MTREX: variants seen among roughly 807,000 people sequenced by gnomAD.
MTREX encodes Mtr4 exosome RNA helicase, also known as exosome RNA helicase MTR4.
In MTREX, 76 loss-of-function variants were observed where a neutral mutation model predicts 135.4. The observed-to-expected ratio is 0.56, with a 90% CI of 0.47 to 0.68. MTREX has a LOEUF of 0.68. Ranked by LOEUF, MTREX falls within the 30% of genes least tolerant of loss-of-function variation. The pLI is 0.00. For synonymous variants in MTREX, 404 were observed against 401.6 expected (o/e 1.01, Z -0.07); for missense variants, 920 against 1,262.1 (o/e 0.73, Z 4.11).
intron 5 of MTREX, among the ~76,000 whole-genome samples, chr5:55,329,670 T>G (rs933981983): frequency 2.6e-5 from 4 of 152,178 alleles, no homozygotes; most frequent in Admixed American, 6.5e-5. Context: ...GTATTTTCCT[T>G]TGGTATGGAA....
At chr5:55,327,846 C>G in intron 4 of MTREX, 68 bp downstream of exon 4, 1 of 1,178,566 alleles carries the variant, frequency 8.5e-7, no homozygotes, top group Non-Finnish European at 1.2e-6. Context: ...ATTCTTATTT[C>G]AAATGAGATT....
chr5:55,386,242 T>C (rs1285529385), intron 18 of MTREX, among the ~76,000 whole-genome samples: 1 of 152,210 alleles, frequency 6.6e-6, no homozygotes, highest in Non-Finnish European at 1.5e-5. Flanking sequence ...AATTATGTTT[T>C]AATTAGGTAA....
chr5:55,395,086 A>G (rs950388679), intron 19 of MTREX, among the ~76,000 whole-genome samples: 2 of 151,294 alleles, frequency 1.3e-5, no homozygotes, highest in African/African-American at 4.9e-5. Context: ...AAAATAATCC[A>G]TGCATCCAGA....
chr5:55,349,861 G>C (rs1382413112), intron 12 of MTREX, among the ~76,000 whole-genome samples: 6 of 152,190 alleles, frequency 3.9e-5, no homozygotes, highest in Non-Finnish European at 8.8e-5. Flanking sequence ...ACTTTTCTCT[G>C]AGAGCTAGTA....
chr5:55,374,285 T>TATATATAA (rs1440361807), intron 16 of MTREX, among the ~76,000 whole-genome samples: 1 of 144,622 alleles, frequency 6.9e-6, no homozygotes, highest in East Asian at 2.1e-4. Flanking sequence ...TATATATATA[T>TATATATAA]AAACAATTTT....
intron 5 of MTREX, among the ~76,000 whole-genome samples, chr5:55,332,162 A>G (rs921541242): frequency 4.6e-5 from 7 of 152,172 alleles, no homozygotes; most frequent in Non-Finnish European, 8.8e-5. Flanking sequence ...TTGAGAATCT[A>G]CATTTTAACA....
chr5:55,320,537 C>T (rs1415993164), intron 1 of MTREX, among the ~76,000 whole-genome samples: 1 of 152,098 alleles, frequency 6.6e-6, no homozygotes, highest in Non-Finnish European at 1.5e-5. Context: ...TTAAATAAAA[C>T]ATAAAGAAAA....
At chr5:55,329,435 AAT>A (rs1409971243) in intron 5 of MTREX, 1 of 151,850 alleles carries the variant, frequency 6.6e-6, no homozygotes, top group Non-Finnish European at 1.5e-5. Context: ...TGGACTCCCA[AAT>A]TTCTGGGATT....
chr5:55,347,638 A>C lies in MTREX; in HGVS notation c.1240+494A>C, dbSNP rs538342291. Among the ~76,000 whole-genome samples the C allele has an allele frequency of 3.3e-5, 5 of 152,370 alleles. No homozygotes were observed. In the South Asian group the frequency reaches 1.0e-3, roughly 32 times the overall value. ...ATTATTCCTATACATTAATTGCAAAAGTAATTCACTTGAAGTCACACAGTT... is the reference window on the plus strand; with the variant it reads ...ATTATTCCTATACATTAATTGCAAACGTAATTCACTTGAAGTCACACAGTT... On this transcript the variant is annotated intron_variant, in intron 11 of 26. Coordinates refer to ENST00000230640, the MANE Select transcript of MTREX (RefSeq NM_015360.5).
At chr5:55,424,125 A>AT (rs1374412050) in intron 26 of MTREX, 1 of 151,462 alleles carries the variant, frequency 6.6e-6, no homozygotes, top group Non-Finnish European at 1.5e-5. Context: ...AATTTTTTTT[A>AT]TTTTTATTTT....
At chr5:55,387,597 A>G (rs1029738101) in intron 18 of MTREX, among the ~76,000 whole-genome samples, 1 of 152,104 alleles carries the variant, frequency 6.6e-6, no homozygotes, top group Non-Finnish European at 1.5e-5. Flanking sequence ...CACATTATAG[A>G]AATGCTAGCA....
At chr5:55,312,583 A>T (rs181885027) in intron 1 of MTREX, among the ~76,000 whole-genome samples, 1 of 152,290 alleles carries the variant, frequency 6.6e-6, no homozygotes, top group East Asian at 1.9e-4. Flanking sequence ...TACATTATGT[A>T]TTCCTTTTAC....
chr5:55,369,269 G>A (rs1038357734), intron 16 of MTREX, among the ~76,000 whole-genome samples: 1 of 152,092 alleles, frequency 6.6e-6, no homozygotes, highest in African/African-American at 2.4e-5. Context: ...CATTGAAACA[G>A]GTGTAAGATT....
At chr5:55,348,226 A>T (rs748362630) in intron 11 of MTREX, among the ~76,000 whole-genome samples, 1 of 152,210 alleles carries the variant, frequency 6.6e-6, no homozygotes, top group South Asian at 2.1e-4. Context: ...GCAGGAGAGC[A>T]TGCAAGAGAG....
chr5:55,343,684 A>G (rs1326854209), intron 8 of MTREX, among the ~76,000 whole-genome samples: 1 of 152,132 alleles, frequency 6.6e-6, no homozygotes, highest in Non-Finnish European at 1.5e-5. Flanking sequence ...ATCTCAGGTA[A>G]TAGTGCCTTG....
At chr5:55,351,083 T>C in intron 13 of MTREX, 54 bp downstream of exon 13, 1 of 1,496,926 alleles carries the variant, frequency 6.7e-7, no homozygotes, top group Non-Finnish European at 8.8e-7. Flanking sequence ...ATGAAGAGTT[T>C]GAAAATGAGA....
intron 9 of MTREX, 65 bp from the exon 10 acceptor site, chr5:55,345,029 A>T: frequency 1.1e-6 from 1 of 942,588 alleles, no homozygotes; most frequent in Non-Finnish European, 1.7e-6. Flanking sequence ...AGCCTTATGT[A>T]TGAAAAATGT....
Position 55,361,912 on chromosome 5 carries a change from G to GTTTGTTTGTTTGTTTTTGTT in MTREX, c.1659+3221_1659+3222insGTTTGTTTTTGTTTTTGTTT, listed in dbSNP as rs57156858. Among the ~76,000 whole-genome samples the GTTTGTTTGTTTGTTTTTGTT allele has an allele frequency of 2.7e-3, 402 of 150,506 alleles. 1 individual carries two copies. Among genetic ancestry groups the GTTTGTTTGTTTGTTTTTGTT allele is most frequent in the African/African-American group, 9.3e-3 (380 of 40,852 alleles). On this transcript the variant is annotated intron_variant, in intron 15 of 26. Coordinates refer to ENST00000230640, the MANE Select transcript of MTREX (RefSeq NM_015360.5). ...CCAGCCTTGTTGTTGTTGTTTGTTTGTTTGTTTTTGTTTTTGTTTTTGGAG... is the reference window on the plus strand; with the variant it reads ...CCAGCCTTGTTGTTGTTGTTTGTTTGTTTGTTTGTTTGTTTTTGTTTTTGTTTTTGTTTTTGTTTTTGGAG...
At chr5:55,381,821 T>C (rs977658333) in intron 18 of MTREX, among the ~76,000 whole-genome samples, 2 of 152,218 alleles carry the variant, frequency 1.3e-5, no homozygotes, top group Non-Finnish European at 2.9e-5. Flanking sequence ...GTCTGGTTGG[T>C]CTATCTATTA....
Sources: gnomAD v4.1 joint callset for allele counts (sites outside exome capture counted in the v4.1 genomes callset) on GRCh38, gnomAD v4.1.1 for gene constraint, MANE v1.5 for transcripts, NCBI Gene and HGNC (gene_info 2026-07-23, HGNC 2026-07-21) for gene names.